ITSN1: variants seen among roughly 807,000 people sequenced by gnomAD.
ITSN1 encodes intersectin-1.
In ITSN1, 58 loss-of-function variants were observed where a neutral mutation model predicts 239.8. That is an observed-to-expected ratio of 0.24 (90% CI 0.20 to 0.30). The LOEUF is 0.30. Among genes scored for constraint, ITSN1 ranks in the 10% least tolerant of loss-of-function variants. The pLI is 1.00. For missense variants in ITSN1, 1,558 were observed against 2,103.3 expected (o/e 0.74, Z 5.07); for synonymous variants, 780 against 770.8 (o/e 1.01, Z -0.20).
intron 4 of ITSN1, among the ~76,000 whole-genome samples, chr21:33,723,507 G>A (rs1216037136): frequency 2.0e-5 from 3 of 152,080 alleles, no homozygotes; most frequent in Admixed American, 6.5e-5. Context: ...CCAGCTACTC[G>A]GGAGGCTGAG....
intron 4 of ITSN1, among the ~76,000 whole-genome samples, chr21:33,725,130 T>G (rs2065746456): frequency 2.4e-5 from 3 of 127,340 alleles, no homozygotes. Context: ...ATTTTTTTTT[T>G]TTGTTTTTTT....
At chr21:33,806,040 A>T (rs2072410038) in intron 20 of ITSN1, among the ~76,000 whole-genome samples, 1 of 131,808 alleles carries the variant, frequency 7.6e-6, no homozygotes, top group African/African-American at 2.9e-5. Context: ...CGTCTCTACT[A>T]AAAATACAAA....
At chr21:33,789,729 G>A (rs2070957853) in intron 16 of ITSN1, among the ~76,000 whole-genome samples, 1 of 152,184 alleles carries the variant, frequency 6.6e-6, no homozygotes, top group African/African-American at 2.4e-5. Context: ...AAGACCAGAT[G>A]AAGGAGAAAC....
At chr21:33,849,459 G>C (rs556361565) in intron 29 of ITSN1, among the ~76,000 whole-genome samples, 1 of 151,706 alleles carries the variant, frequency 6.6e-6, no homozygotes, top group Non-Finnish European at 1.5e-5. Context: ...CCAGCTACTC[G>C]GGAGGCTGAG....
chr21:33,834,328 A>G lies in ITSN1; in HGVS notation c.3373A>G (p.Ile1125Val). The change falls in exon 28 of 40, where the codon ATA (isoleucine) becomes GTA (valine). Residue 1125 changes from isoleucine (I) to valine (V), a missense_variant. Around this residue, in one of 2 missense-constraint regions of ITSN1, gnomAD observed 576 missense variants for 893.3 expected, o/e 0.64. Coordinates refer to ENST00000381318, the MANE Select transcript of ITSN1 (RefSeq NM_003024.3). ...CTAGGCACGTGGGAAAAAGCGCCAG[A>G]TAGGCTGGTTCCCAGCTAATTATGT... ...ELQARGKKRQ[I>V]GWFPANYVKL... The G allele has an allele frequency of 6.2e-7, 1 of 1,614,058 alleles. No individual in the cohort carries two copies. Among genetic ancestry groups the G allele is most frequent in the South Asian group, 1.1e-5 (1 of 91,062 alleles).
intron 1 of ITSN1, among the ~76,000 whole-genome samples, chr21:33,713,023 G>A (rs1345876802): frequency 6.6e-6 from 1 of 151,918 alleles, no homozygotes; most frequent in African/African-American, 2.4e-5. Flanking sequence ...GATTACGAGT[G>A]CCCACCACCA....
At chr21:33,718,733 G>A (rs886674220) in intron 1 of ITSN1, 64 bp from the exon 2 acceptor site, 2 of 994,708 alleles carry the variant, frequency 2.0e-6, no homozygotes, top group Non-Finnish European at 3.2e-6. Flanking sequence ...TAGCATGTTG[G>A]TGTGTTTATG....
At chr21:33,746,333 A>T (rs1181513091) in intron 5 of ITSN1, among the ~76,000 whole-genome samples, 3 of 152,206 alleles carry the variant, frequency 2.0e-5, no homozygotes, top group African/African-American at 7.2e-5. Flanking sequence ...TCTCACCCTC[A>T]AGAAAAGAGG....
chr21:33,815,420 G>T (rs530069723), intron 22 of ITSN1, among the ~76,000 whole-genome samples: 1 of 152,090 alleles, frequency 6.6e-6, no homozygotes, highest in Non-Finnish European at 1.5e-5. Flanking sequence ...GAGTGGAGGT[G>T]GGGGATGGGA....
chr21:33,813,850 T>C, intron 21 of ITSN1, 63 bp from the exon 22 acceptor site: 1 of 1,394,724 alleles, frequency 7.2e-7, no homozygotes, highest in South Asian at 1.6e-5. Flanking sequence ...TACTTTACTG[T>C]GGGTAAAAAG....
intron 1 of ITSN1, among the ~76,000 whole-genome samples, chr21:33,705,463 C>CT (rs1205776103): frequency 6.6e-6 from 1 of 152,144 alleles, no homozygotes; most frequent in African/African-American, 2.4e-5. Context: ...TCTCAGCTCA[C>CT]TGCAAGCTCT....
At chr21:33,762,317 A>G (rs1158727085) in intron 9 of ITSN1, among the ~76,000 whole-genome samples, 1 of 149,160 alleles carries the variant, frequency 6.7e-6, no homozygotes, top group Non-Finnish European at 1.5e-5. Context: ...CCCAGGCTGG[A>G]GTGCAGTGGT....
At chr21:33,813,504 C>A (rs2073056059) in intron 21 of ITSN1, among the ~76,000 whole-genome samples, 1 of 152,066 alleles carries the variant, frequency 6.6e-6, no homozygotes, top group Non-Finnish European at 1.5e-5. Context: ...AGGGGTGCGC[C>A]ACCACACCCA....
At chr21:33,654,336 A>G (rs1405095825) in intron 1 of ITSN1, among the ~76,000 whole-genome samples, 1 of 151,634 alleles carries the variant, frequency 6.6e-6, no homozygotes, top group African/African-American at 2.4e-5. Flanking sequence ...GCTTACGGGC[A>G]TGAACCGCTG....
At chr21:33,677,177 T>C (rs539137500) in intron 1 of ITSN1, among the ~76,000 whole-genome samples, 73 of 152,134 alleles carry the variant, frequency 4.8e-4, no homozygotes, top group Non-Finnish European at 2.9e-4. Context: ...GAGTTTGCCA[T>C]GGAAGTGGAG....
At chr21:33,692,914 GGCATGCCAACATGCCGGGCTAATTTTT>G (rs1271671829) in intron 1 of ITSN1, among the ~76,000 whole-genome samples, 4 of 151,730 alleles carry the variant, frequency 2.6e-5, no homozygotes, top group African/African-American at 9.7e-5. Flanking sequence ...GGATTACAGG[GGCATGCCAACATGCCGGGCTAATTTTT>G]GCATGCCACC....
At chr21:33,654,402 C>T (rs2088849541) in intron 1 of ITSN1, among the ~76,000 whole-genome samples, 1 of 151,976 alleles carries the variant, frequency 6.6e-6, no homozygotes, top group Non-Finnish European at 1.5e-5. Context: ...CTGTTATACT[C>T]TAGACTCTTA....
intron 1 of ITSN1, among the ~76,000 whole-genome samples, chr21:33,670,632 A>T (rs558567404): frequency 6.6e-6 from 1 of 151,942 alleles, no homozygotes; most frequent in African/African-American, 2.4e-5. Flanking sequence ...CCAGGTCTCA[A>T]CCCTGTCAGA....
intron 22 of ITSN1, among the ~76,000 whole-genome samples, chr21:33,816,632 G>C (rs1198485588): frequency 6.6e-6 from 1 of 152,180 alleles, no homozygotes; most frequent in Admixed American, 6.5e-5. Context: ...GATTTCTCAG[G>C]GGGAGAGATT....
Sources: allele counts gnomAD v4.1 joint callset (sites outside exome capture counted in the v4.1 genomes callset), GRCh38; gene constraint gnomAD v4.1.1; regional missense constraint gnomAD v4.1.1; transcripts MANE v1.5; gene names NCBI Gene and HGNC (gene_info 2026-07-23, HGNC 2026-07-21).